Variants in PAQR5 observed in about 807,000 individuals in gnomAD.
PAQR5 encodes progestin and adipoQ receptor family member 5.
A neutral mutation model predicts 34.5 loss-of-function variants in PAQR5; 20 were observed. The ratio of observed to expected loss-of-function variants is 0.58; its 90% CI spans 0.41 to 0.84. The LOEUF is 0.84. PAQR5 is among the 40% of genes least tolerant of loss of function. The pLI is 0.00. For synonymous variants in PAQR5, 131 were observed against 155.6 expected, an observed-to-expected ratio of 0.84 and a Z score of 1.18; for missense variants, 378 against 412.7, an observed-to-expected ratio of 0.92 and a Z score of 0.73.
At chr15:69,346,847 GTC>G (rs2054788364) in intron 2 of PAQR5, among the ~76,000 whole-genome samples, 1 of 149,208 alleles carries the variant, frequency 6.7e-6, no homozygotes, top group African/African-American at 2.5e-5. Flanking sequence ...TTGAGATAGA[GTC>G]TCTGTCGCCC....
intron 6 of PAQR5, chr15:69,397,133 C>T (rs1458972181): frequency 2.2e-6 from 1 of 463,858 alleles, no homozygotes; most frequent in East Asian, 6.6e-5. Flanking sequence ...GTCCCTGTAG[C>T]AACTAGAGTT....
rs1001016906 is a variant in PAQR5 at position 69,383,202 on chromosome 15, G to T, written c.180-1475G>T. Among the ~76,000 whole-genome samples the T allele has an allele frequency of 2.0e-5, 3 of 152,174 alleles. No homozygotes were observed. The East Asian group carries it at 5.8e-4, about 29-fold the overall frequency. On this transcript the variant is annotated intron_variant, in intron 4 of 8. Coordinates refer to ENST00000395407, the MANE Select transcript of PAQR5 (RefSeq NM_017705.4). The stretch of plus-strand genomic sequence containing the variant: ...GGAATGGAGACAGTAGATAGGCGAG[G>T]ATCTAAGAGGGGCTTCCATCATGGA...
In PAQR5 at chr15:69,397,462, A is replaced by G. The variant is rs754169574; in HGVS notation, c.513-6A>G. 1.2e-6 allele frequency: 2 copies of G among 1,603,878 alleles called. No homozygotes were observed. Among genetic ancestry groups the G allele is most frequent in the Admixed American group, 1.7e-5 (1 of 59,984 alleles). ...ATTTCCTCCCCACTTTCCTTCCCTG[A>G]TTTAGGTTTCTTGAAATCCAGAAGC... On this transcript the variant is annotated splice_polypyrimidine_tract_variant and splice_region_variant and intron_variant, in intron 6 of 8. Transcript: ENST00000395407.
chr15:69,336,549 C>A (rs964969979), intron 1 of PAQR5, among the ~76,000 whole-genome samples: 1 of 152,084 alleles, frequency 6.6e-6, no homozygotes, highest in Non-Finnish European at 1.5e-5. Context: ...CTTTGTCGAT[C>A]GTGTCTTTAA....
rs766706371 is a variant in PAQR5 at position 69,385,929 on chromosome 15, C to T, written c.385+1047C>T. On this transcript the variant is annotated intron_variant, in intron 5 of 8. Coordinates refer to ENST00000395407, the MANE Select transcript of PAQR5 (RefSeq NM_017705.4). This position sits in a 1 kb window ranked among gnomAD's most constrained non-coding sequence, Gnocchi z 4.7. ...CAATACACTCACATACACACACTCACACCACATACACACAATACACTCACA... is the reference window on the plus strand; with the variant it reads ...CAATACACTCACATACACACACTCATACCACATACACACAATACACTCACA... Among the ~76,000 whole-genome samples, 50 of 151,348 alleles carry T rather than the reference C, an allele frequency of 3.3e-4. No homozygotes were observed. The highest frequency in any genetic ancestry group is 4.7e-4 in the Non-Finnish European group (32 of 67,800).
In PAQR5 at chr15:69,323,098, A is replaced by G. The variant is rs564202210; in HGVS notation, c.-276-14243A>G. Among the ~76,000 whole-genome samples the G allele has an allele frequency of 2.0e-5, 3 of 152,304 alleles. No homozygotes were observed. In the East Asian group the frequency reaches 5.8e-4, roughly 29 times the overall value. On this transcript the variant is annotated intron_variant, in intron 1 of 8. Transcript: ENST00000395407. ...CTGCGCTATTTTCTTGTTTGAACAT[A>G]AAGTGTGGAACATGGGGCAGGAGAA...
At chr15:69,383,992 C>CGG (rs2056017119) in intron 4 of PAQR5, among the ~76,000 whole-genome samples, 3 of 74,588 alleles carry the variant, frequency 4.0e-5, no homozygotes, top group Admixed American at 1.4e-4. Flanking sequence ...GGAGGGTGAG[C>CGG]GGGCCCTCTG....
chr15:69,382,428 C>T (rs935544339), intron 4 of PAQR5, among the ~76,000 whole-genome samples: 6 of 152,070 alleles, frequency 3.9e-5, no homozygotes, highest in African/African-American at 1.4e-4. Context: ...AGGCAGACCA[C>T]AAGGTCAGGA....
intron 3 of PAQR5, chr15:69,379,678 C>T: frequency 1.2e-6 from 1 of 858,976 alleles, no homozygotes; most frequent in Non-Finnish European, 1.4e-6. Context: ...ATTCCCTCCC[C>T]CAGCTAGCTG....
Position 69,397,715 on chromosome 15 carries a change from C to A in PAQR5, c.609+151C>A, listed in dbSNP as rs569900833. ...GGTGAAGGGGGCCAGCCCCTCCACA[C>A]CTGTGGGTATTTCTCGTCAGGTGGG... On this transcript the variant is annotated intron_variant, in intron 7 of 8. Transcript: ENST00000395407. The A allele has an allele frequency of 3.1e-5, 20 of 651,438 alleles. No homozygotes were observed. In the African/African-American group the frequency reaches 3.4e-4, roughly 11 times the overall value. 40.4% of individuals were successfully genotyped at this position (651,438 alleles called of 1,614,324 possible).
intron 6 of PAQR5, chr15:69,396,758 G>A: frequency 4.4e-6 from 1 of 226,560 alleles, no homozygotes; most frequent in Non-Finnish European, 8.8e-6. Flanking sequence ...GCTGCCCCAG[G>A]CTGGGCCCAA....
chr15:69,320,054 C>A (rs2054057478), intron 1 of PAQR5, among the ~76,000 whole-genome samples: 1 of 152,274 alleles, frequency 6.6e-6, no homozygotes, highest in African/African-American at 2.4e-5. Context: ...CCCCCGCAGC[C>A]AGAGCCTTCC....
chr15:69,355,183 C>G (rs1365868292), intron 2 of PAQR5, among the ~76,000 whole-genome samples: 2 of 152,134 alleles, frequency 1.3e-5, no homozygotes, highest in African/African-American at 4.8e-5. Flanking sequence ...CTCTCTCTCT[C>G]TCGCTATCTG....
rs143212014 is a variant in PAQR5, at chr15:69,361,977, G to A, written c.51+1846G>A. Among the ~76,000 whole-genome samples, 266 of 152,006 alleles carry A rather than the reference G, an allele frequency of 1.7e-3. 2 individuals are homozygous for A. The highest frequency in any genetic ancestry group is 5.8e-3 in the African/African-American group (239 of 41,440). On this transcript the variant is annotated intron_variant, in intron 3 of 8. Coordinates refer to ENST00000395407, the MANE Select transcript of PAQR5 (RefSeq NM_017705.4). ...GGTGATGGTGGGGGGACTGGGGAGCGTCTTGGGGGTAGAGGTTATGGGAGT... is the reference window on the plus strand; with the variant it reads ...GGTGATGGTGGGGGGACTGGGGAGCATCTTGGGGGTAGAGGTTATGGGAGT...
At chr15:69,399,922 C>T in intron 7 of PAQR5, 52 bp from the exon 8 acceptor site, 1 of 1,567,414 alleles carries the variant, frequency 6.4e-7, no homozygotes, top group Non-Finnish European at 8.6e-7. Context: ...AGGAAGAGGG[C>T]CTGCCTCAGG....
chr15:69,360,244 T>C, intron 3 of PAQR5, 113 bp downstream of exon 3: 1 of 690,184 alleles, frequency 1.4e-6, no homozygotes, highest in Non-Finnish European at 2.5e-6. Context: ...CCCATTCCCT[T>C]CAAGGACCCC....
chr15:69,362,072 AG>A (rs1195758775), intron 3 of PAQR5, among the ~76,000 whole-genome samples: 3 of 152,122 alleles, frequency 2.0e-5, no homozygotes, highest in African/African-American at 7.2e-5. Context: ...AAAGAAGTGA[AG>A]GGGGCAGAGT....
At chr15:69,319,057 C>T (rs969975063) in intron 1 of PAQR5, among the ~76,000 whole-genome samples, 33 of 150,824 alleles carry the variant, frequency 2.2e-4, no homozygotes, top group Non-Finnish European at 4.4e-4. Flanking sequence ...AAGCTTGAAC[C>T]CAGGAGGCGG....
chr15:69,313,873 C>G (rs1038126809), intron 1 of PAQR5, among the ~76,000 whole-genome samples: 4 of 152,124 alleles, frequency 2.6e-5, no homozygotes, highest in Non-Finnish European at 4.4e-5. Flanking sequence ...GTTGCCCCCT[C>G]TCTGCCAGCT....
Sources: allele counts gnomAD v4.1 joint callset (sites outside exome capture counted in the v4.1 genomes callset), GRCh38; gene constraint gnomAD v4.1.1; non-coding constraint Gnocchi (gnomAD v3.1); transcripts MANE v1.5; gene names NCBI Gene and HGNC (gene_info 2026-07-23, HGNC 2026-07-21).